Variants in NSD3 observed in about 807,000 individuals in gnomAD.
NSD3 encodes histone-lysine N-methyltransferase NSD3.
A neutral mutation model predicts 160.8 loss-of-function variants in NSD3; 24 were observed. The observed-to-expected ratio is 0.15, with a 90% CI of 0.11 to 0.21. The LOEUF is 0.21. Among genes scored for constraint, NSD3 ranks in the 10% least tolerant of loss-of-function variants. NSD3 has a pLI of 1.00. For synonymous variants in NSD3, 520 were observed against 600.0 expected (o/e 0.87, Z 1.95); for missense variants, 1,157 against 1,735.9 (o/e 0.67, Z 5.93).
In NSD3 at chr8:38,348,126, T is replaced by C; in HGVS notation, c.46A>G (p.Ile16Val). ...TCAATGAGTTGAGGTGGTTGCTGAA[T>C]TGTGTTTCCCATGATCCCTTGCATG... ...SFMQGIMGNTIQQPPQLIDSA... is the reference protein window; with the variant it reads ...SFMQGIMGNTVQQPPQLIDSA... Residue 16 changes from isoleucine to valine, a missense_variant, in exon 2 of 24, where the codon ATT (isoleucine) becomes GTT (valine). By Grantham distance (29) the Ile-to-Val change is conservative (BLOSUM62 3). Transcript: ENST00000317025. 1 of 1,611,624 alleles carries C rather than the reference T, an allele frequency of 6.2e-7. No homozygotes were observed. The highest frequency in any genetic ancestry group is 8.5e-7 in the Non-Finnish European group (1 of 1,178,686).
Position 38,315,540 on chromosome 8 carries a change from C to G in NSD3, c.1991G>C (p.Gly664Ala), listed in dbSNP as rs1365297620. Residue 664 changes from glycine (G) to alanine (A), a missense_variant, in exon 11 of 24, where the codon GGC becomes GCC. Physicochemically the swap from Gly to Ala is moderately conservative, Grantham distance 60 (BLOSUM62 0). Transcript: ENST00000317025. ...DSRGLSDLQV[G>A]FGKQVDSPSA... Reference sequence around the variant, plus strand: ...AGGGCTATCTACTTGCTTTCCAAAGCCTACCTACATAGAAAACATAGCATT... The same window carrying G: ...AGGGCTATCTACTTGCTTTCCAAAGGCTACCTACATAGAAAACATAGCATT... 1 of 1,613,196 alleles carries G rather than the reference C, an allele frequency of 6.2e-7. No homozygotes were observed. The highest frequency in any genetic ancestry group is 1.1e-5 in the South Asian group (1 of 91,008).
chr8:38,283,713 A>T (rs150304401), intron 19 of NSD3, among the ~76,000 whole-genome samples: 2 of 152,290 alleles, frequency 1.3e-5, no homozygotes, highest in Non-Finnish European at 2.9e-5. Context: ...ACGGAGCTAC[A>T]TATGCTTCAG....
intron 2 of NSD3, among the ~76,000 whole-genome samples, chr8:38,346,907 C>CTTA (rs956082102): frequency 2.0e-5 from 3 of 152,026 alleles, no homozygotes; most frequent in African/African-American, 7.3e-5. Context: ...ATGTTACATA[C>CTTA]TTATTATATT....
intron 2 of NSD3, among the ~76,000 whole-genome samples, chr8:38,343,903 A>C (rs1346663088): frequency 6.6e-6 from 1 of 152,170 alleles, no homozygotes; most frequent in Admixed American, 6.5e-5. Flanking sequence ...ACTCTGCCTT[A>C]GTGGATTAGC....
Position 38,289,509 on chromosome 8 carries a change from C to T in NSD3, c.3119-4G>A. ...CGTTTTGCAGCTTCTTCCAGTGCTG[C>T]CAATAAGATGATACAAAGTATGTAA... On this transcript the variant is annotated splice_polypyrimidine_tract_variant and splice_region_variant and intron_variant, in intron 17 of 23. Coordinates refer to ENST00000317025, the MANE Select transcript of NSD3 (RefSeq NM_023034.2). 2 of 1,610,648 alleles carry T rather than the reference C, an allele frequency of 1.2e-6. No individual in the cohort carries two copies. Among genetic ancestry groups the T allele is most frequent in the East Asian group, 4.5e-5 (2 of 44,830 alleles).
chr8:38,289,317 A>G, intron 18 of NSD3, 76 bp downstream of exon 18: 1 of 1,338,456 alleles, frequency 7.5e-7, no homozygotes, highest in Non-Finnish European at 1.0e-6. Context: ...TCTATTAAAT[A>G]ACAATGCTTT....
intron 1 of NSD3, among the ~76,000 whole-genome samples, chr8:38,374,163 G>C (rs1476948101): frequency 1.3e-5 from 2 of 151,526 alleles, no homozygotes; most frequent in Non-Finnish European, 2.9e-5. Flanking sequence ...TGTAGTCATA[G>C]CTACTCCAGA....
At chr8:38,278,933 G>A (rs1434710223) in intron 21 of NSD3, among the ~76,000 whole-genome samples, 1 of 152,170 alleles carries the variant, frequency 6.6e-6, no homozygotes, top group Non-Finnish European at 1.5e-5. Context: ...TCCACAATGA[G>A]TTCTAGAAAC....
chr8:38,343,694 TTC>T (rs1209721666), intron 2 of NSD3, among the ~76,000 whole-genome samples: 1 of 152,146 alleles, frequency 6.6e-6, no homozygotes, highest in Non-Finnish European at 1.5e-5. Flanking sequence ...CAGAGTGAGA[TTC>T]TGTCTCAAAA....
At chr8:38,291,904 A>T (rs1211358376) in intron 16 of NSD3, among the ~76,000 whole-genome samples, 1 of 152,246 alleles carries the variant, frequency 6.6e-6, no homozygotes, top group Non-Finnish European at 1.5e-5. Context: ...AAATACATTA[A>T]GAATTAGTTC....
intron 11 of NSD3, among the ~76,000 whole-genome samples, 200 bp from the exon 12 acceptor site, chr8:38,314,973 AC>A (rs1357269593): frequency 6.6e-6 from 1 of 152,192 alleles, no homozygotes; most frequent in African/African-American, 2.4e-5. Flanking sequence ...CACTTTGAGA[AC>A]CAGAGAACTA....
rs1009818550 is a variant in NSD3 at position 38,270,860 on chromosome 8, A to G, written c.*4781T>C. On this transcript the variant is annotated 3_prime_UTR_variant, in exon 24 of 24. Coordinates refer to ENST00000317025, the MANE Select transcript of NSD3 (RefSeq NM_023034.2). ...GCAATTCTCATCCCCCTCCCGCTTC[A>G]TACATACGTGCCACAAGCACCCAAA... The G allele has an allele frequency of 3.3e-5, 5 of 152,372 alleles. No individual in the cohort carries two copies. Among genetic ancestry groups the G allele is most frequent in the African/African-American group, 1.2e-4 (5 of 41,590 alleles). 9.4% of individuals were successfully genotyped at this position (152,372 alleles called of 1,614,324 possible). A position where few individuals can be genotyped will look rare whatever the true frequency, so the allele number is the denominator to read the frequency against.
At chr8:38,298,226 A>G (rs891298234) in intron 15 of NSD3, among the ~76,000 whole-genome samples, 3 of 152,260 alleles carry the variant, frequency 2.0e-5, no homozygotes, top group Admixed American at 2.0e-4. Flanking sequence ...TATAGGTACC[A>G]GCAAGAAAAT....
intron 2 of NSD3, among the ~76,000 whole-genome samples, chr8:38,343,970 C>T (rs2150381858): frequency 6.6e-6 from 1 of 152,314 alleles, no homozygotes; most frequent in Admixed American, 6.5e-5. Context: ...CCTACGCTCA[C>T]ATGCCTGAGG....
At position 38,270,360 on chromosome 8, in the gene NSD3, C is replaced by T. The variant is rs1808409030; in HGVS notation, c.*5281G>A. 6.6e-6 allele frequency: 1 copy of T among 152,156 alleles called. No homozygotes were observed. The highest frequency in any genetic ancestry group is 6.5e-5 in the Admixed American group (1 of 15,270). 9.4% of individuals were successfully genotyped at this position (152,156 alleles called of 1,614,324 possible). Reference sequence around the variant, plus strand: ...AAATGAAAACGGAGTCTGTAGGTATCTGTGTTTGTTGTGCAATATCACTCA... The same window carrying T: ...AAATGAAAACGGAGTCTGTAGGTATTTGTGTTTGTTGTGCAATATCACTCA... On this transcript the variant is annotated 3_prime_UTR_variant, in exon 24 of 24. Transcript: ENST00000317025.
At chr8:38,339,433 A>G (rs1387582952) in intron 2 of NSD3, among the ~76,000 whole-genome samples, 1 of 152,210 alleles carries the variant, frequency 6.6e-6, no homozygotes, top group African/African-American at 2.4e-5. Context: ...AGTATTAAAC[A>G]TAATCTAGAT....
chr8:38,338,498 C>G (rs888057586), intron 3 of NSD3, 38 bp downstream of exon 3: 1 of 1,522,094 alleles, frequency 6.6e-7, no homozygotes. Context: ...CCTTCTTCCA[C>G]CATATTTGGT....
chr8:38,363,711 G>A (rs1811041963), intron 1 of NSD3, among the ~76,000 whole-genome samples: 1 of 150,938 alleles, frequency 6.6e-6, no homozygotes, highest in African/African-American at 2.4e-5. Context: ...CTCTCCTAGA[G>A]CCTCCAGAAG....
In NSD3 at chr8:38,321,140, T is replaced by A; in HGVS notation, c.1741A>T (p.Ile581Phe). ...TTCTCTGATTCAGAACGAGTTCTAA[T>A]TGATCTTCTCTGTTGCTTCTTTTCT... ...SVEKKQQRRS[I>F]RTRSESEKST... The change falls in exon 8 of 24, where the codon ATT becomes TTT. Residue 581 changes from isoleucine to phenylalanine, a missense_variant. Physicochemically the swap from Ile to Phe is conservative, Grantham distance 21. Around this residue, in one of 10 missense-constraint regions of NSD3, gnomAD observed 102 missense variants for 126.5 expected, o/e 0.81. Transcript: ENST00000317025. The surrounding 1 kb of genome is among the most constrained non-coding windows in gnomAD (Gnocchi z 4.7). The A allele has an allele frequency of 6.2e-7, 1 of 1,613,212 alleles. No homozygotes were observed. The highest frequency in any genetic ancestry group is 1.3e-5 in the African/African-American group (1 of 75,062).
Sources: allele counts gnomAD v4.1 joint callset (sites outside exome capture counted in the v4.1 genomes callset), GRCh38; gene constraint gnomAD v4.1.1; regional missense constraint gnomAD v4.1.1; non-coding constraint Gnocchi (gnomAD v3.1); transcripts MANE v1.5; gene names NCBI Gene and HGNC (gene_info 2026-07-23, HGNC 2026-07-21).